The following ZNF653 variants were observed in gnomAD, a reference collection of about 807,000 sequenced individuals.
The protein encoded by ZNF653 is zinc finger protein 653, also known as 67 kDa zinc finger protein.
ZNF653 carries 37 observed loss-of-function variants against 59.9 expected under a neutral mutation model. That is an observed-to-expected ratio of 0.62 (90% confidence interval 0.48 to 0.81). ZNF653 has a LOEUF of 0.81. Ranked by LOEUF, ZNF653 falls within the 40% of genes least tolerant of loss-of-function variation. The pLI is 0.00. For synonymous variants in ZNF653, 435 were observed against 371.8 expected (o/e 1.17, Z -1.96); for missense variants, 808 against 881.1 (o/e 0.92, Z 1.05).
chr19:11,487,542 G>A lies in ZNF653; in HGVS notation c.921C>T (p.Ser307=), dbSNP rs1258493356. 1 of 1,613,938 alleles carries A rather than the reference G, an allele frequency of 6.2e-7. No individual in the cohort carries two copies. Among genetic ancestry groups the A allele is most frequent in the African/African-American group, 1.3e-5 (1 of 75,064 alleles). Reference sequence around the variant, plus strand: ...CGGGCACCATGCCTGGCATGGGGCAGCTGGCCACCACCTCACCCAGGGCCT... The same window carrying A: ...CGGGCACCATGCCTGGCATGGGGCAACTGGCCACCACCTCACCCAGGGCCT... The part of the protein sequence containing the change: ...PQEALGEVVA[S]CPMPGMVPGS... Residue 307 remains serine (S), a synonymous_variant, in exon 4 of 9, where the codon AGC becomes AGT. Transcript: ENST00000293771. This position sits in a 1 kb window ranked among gnomAD's most constrained non-coding sequence, Gnocchi z 5.1.
intron 3 of ZNF653, among the ~76,000 whole-genome samples, chr19:11,488,162 T>C (rs1400576724): frequency 6.7e-5 from 10 of 150,130 alleles, no homozygotes; most frequent in African/African-American, 9.8e-5. Flanking sequence ...TTTTTTTTTT[T>C]TTCCTGAGAT....
Position 11,487,677 on chromosome 19 carries a change from G to A in ZNF653, c.786C>T (p.Cys262=). 1 of 1,613,858 alleles carries A rather than the reference G, an allele frequency of 6.2e-7. No homozygotes were observed. Among genetic ancestry groups the A allele is most frequent in the Non-Finnish European group, 8.5e-7 (1 of 1,179,966 alleles). Residue 262 remains cysteine (C), a synonymous_variant, in exon 4 of 9, where the codon TGC becomes TGT. Transcript: ENST00000293771. This position sits in a 1 kb window ranked among gnomAD's most constrained non-coding sequence, Gnocchi z 5.1. ...CAGGCCCATTGCCTGCTGGGTTGGAGCACAGCGGGGTACCCTGCTCGGCCA... is the reference window on the plus strand; with the variant it reads ...CAGGCCCATTGCCTGCTGGGTTGGAACACAGCGGGGTACCCTGCTCGGCCA... The part of the protein sequence containing the change: ...ESLAEQGTPL[C]SNPAGNGPEA...
intron 2 of ZNF653, among the ~76,000 whole-genome samples, chr19:11,497,377 C>T (rs531182846): frequency 6.6e-6 from 1 of 152,332 alleles, no homozygotes; most frequent in African/African-American, 2.4e-5. Context: ...ATGGTGGAGC[C>T]GGACCGCCTG....
At chr19:11,504,338 T>G (rs1174242061) in intron 1 of ZNF653, 9 of 168,804 alleles carry the variant, frequency 5.3e-5, no homozygotes. Flanking sequence ...GAGGCGGAGC[T>G]TGCAGTGAAC....
intron 3 of ZNF653, among the ~76,000 whole-genome samples, chr19:11,489,202 A>ATT (rs1166892094): frequency 1.5e-5 from 2 of 137,042 alleles, no homozygotes; most frequent in Non-Finnish European, 3.1e-5. Flanking sequence ...ATCTGGCCCG[A>ATT]TTTTGTTTTT....
At chr19:11,489,474 C>A (rs1971508414) in intron 3 of ZNF653, among the ~76,000 whole-genome samples, 1 of 152,176 alleles carries the variant, frequency 6.6e-6, no homozygotes, top group Non-Finnish European at 1.5e-5. Flanking sequence ...GCTGGAATTA[C>A]AGACATGAGG....
intron 2 of ZNF653, among the ~76,000 whole-genome samples, chr19:11,497,759 G>A (rs1371519136): frequency 6.6e-6 from 1 of 152,140 alleles, no homozygotes; most frequent in Non-Finnish European, 1.5e-5. Flanking sequence ...ACCCACAGCC[G>A]CCTCTCCGGC....
At position 11,496,175 on chromosome 19, in the gene ZNF653, C is replaced by T. The variant is rs1428775798; in HGVS notation, c.344-10G>A. On this transcript the variant is annotated splice_polypyrimidine_tract_variant and intron_variant, in intron 2 of 8. Transcript: ENST00000293771. The stretch of plus-strand genomic sequence containing the variant: ...ACGTTGCGTCGCCGCCCTATGGACA[C>T]AGGGCCGAGGAGTGGGTATAAGGGA... 1 of 1,612,390 alleles carries T rather than the reference C, an allele frequency of 6.2e-7. No homozygotes were observed. The highest frequency in any genetic ancestry group is 8.5e-7 in the Non-Finnish European group (1 of 1,179,486).
chr19:11,501,526 C>G (rs1156664022), intron 1 of ZNF653, among the ~76,000 whole-genome samples: 1 of 152,124 alleles, frequency 6.6e-6, no homozygotes, highest in African/African-American at 2.4e-5. Context: ...CACTCGCTGT[C>G]TCCATGTCCT....
chr19:11,497,329 C>T lies in ZNF653; in HGVS notation c.343+967G>A, dbSNP rs540753971. On this transcript the variant is annotated intron_variant, in intron 2 of 8. Transcript: ENST00000293771. The stretch of plus-strand genomic sequence containing the variant: ...TGGTTCATAGCAGGTGCTCCAGGAA[C>T]ATTTGCTGGATGAGAGAACGCTGCA... 1.1e-3 allele frequency among the ~76,000 whole-genome samples: 171 copies of T among 152,334 alleles called. 1 individual carries two copies. Among genetic ancestry groups the T allele is most frequent in the African/African-American group, 4.0e-3 (165 of 41,584 alleles).
At chr19:11,499,733 G>A (rs180865459) in intron 1 of ZNF653, among the ~76,000 whole-genome samples, 352 of 151,714 alleles carry the variant, frequency 2.3e-3, no homozygotes, top group Non-Finnish European at 3.4e-3. Flanking sequence ...GAAACACAGT[G>A]AAACCCCATC....
intron 1 of ZNF653, among the ~76,000 whole-genome samples, chr19:11,504,156 C>T (rs1971678155): frequency 6.6e-6 from 1 of 152,038 alleles, no homozygotes; most frequent in Admixed American, 6.6e-5. Context: ...AATCCCAGCA[C>T]TTTGGGAGGC....
At chr19:11,505,237 G>A (rs1971699047) in intron 1 of ZNF653, 2 of 435,398 alleles carry the variant, frequency 4.6e-6, no homozygotes, top group Non-Finnish European at 4.0e-6. Context: ...CTAGCGGGCG[G>A]GGCCAAGCGC....
intron 1 of ZNF653, among the ~76,000 whole-genome samples, chr19:11,498,963 G>A (rs1443244847): frequency 2.0e-5 from 3 of 152,188 alleles, no homozygotes; most frequent in Non-Finnish European, 4.4e-5. Flanking sequence ...GACCTCAGGT[G>A]ATCCGCCCAC....
Position 11,487,839 on chromosome 19 carries a change from C to T in ZNF653, c.624G>A (p.Glu208=). The change falls in exon 4 of 9, where the codon GAG becomes GAA. Residue 208 remains glutamate, a synonymous_variant. Coordinates refer to ENST00000293771, the MANE Select transcript of ZNF653 (RefSeq NM_138783.4). This position sits in a 1 kb window ranked among gnomAD's most constrained non-coding sequence, Gnocchi z 5.1. The stretch of plus-strand genomic sequence containing the variant: ...TGACCGGCTGGCCCTCAGGAGACTC[C>T]TCAGAGTCAGAGGCAGAGCCAGAGC... ...SSSSGSASDS[E]ESPEGQPVKA... 2.5e-6 allele frequency: 4 copies of T among 1,611,244 alleles called. 1 individual carries two copies. The highest frequency in any genetic ancestry group is 4.5e-5 in the East Asian group (2 of 44,812).
intron 1 of ZNF653, among the ~76,000 whole-genome samples, chr19:11,499,773 G>A (rs932518442): frequency 3.3e-5 from 5 of 151,768 alleles, no homozygotes; most frequent in Admixed American, 1.3e-4. Context: ...TTACCCAGGC[G>A]GGGTGGCATG....
intron 1 of ZNF653, among the ~76,000 whole-genome samples, chr19:11,500,138 T>C (rs2144950431): frequency 6.6e-6 from 1 of 152,274 alleles, no homozygotes; most frequent in East Asian, 1.9e-4. Context: ...CCACCCCGTC[T>C]GACTCCTGCC....
chr19:11,485,515 G>C, intron 7 of ZNF653, 141 bp downstream of exon 7: 1 of 627,320 alleles, frequency 1.6e-6, no homozygotes, highest in Non-Finnish European at 2.8e-6. Flanking sequence ...AGCTTACTGA[G>C]GACAGGGAGG....
At chr19:11,494,087 CG>C (rs1971556454) in intron 3 of ZNF653, among the ~76,000 whole-genome samples, 1 of 151,820 alleles carries the variant, frequency 6.6e-6, no homozygotes, top group Non-Finnish European at 1.5e-5. Context: ...TTAGGGAGGC[CG>C]AGGCAGGAGG....
Sources: allele counts gnomAD v4.1 joint callset (sites outside exome capture counted in the v4.1 genomes callset), GRCh38; gene constraint gnomAD v4.1.1; non-coding constraint Gnocchi (gnomAD v3.1); transcripts MANE v1.5; gene names NCBI Gene and HGNC (gene_info 2026-07-23, HGNC 2026-07-21).